Variants in EPB41L4B observed in about 807,000 individuals in gnomAD.
The protein encoded by EPB41L4B is band 4.1-like protein 4B.
In EPB41L4B, 30 loss-of-function variants were observed where a neutral mutation model predicts 112.5. The observed-to-expected ratio is 0.27, with a 90% CI of 0.20 to 0.36. EPB41L4B has a LOEUF of 0.36. Among genes scored for constraint, EPB41L4B ranks in the 10% least tolerant of loss-of-function variants. EPB41L4B has a pLI of 1.00. For synonymous variants in EPB41L4B, 408 were observed against 439.7 expected, an observed-to-expected ratio of 0.93 and a Z score of 0.90; for missense variants, 1,024 against 1,133.3, an observed-to-expected ratio of 0.90 and a Z score of 1.38.
chr9:109,252,014 CAAA>C (rs2119010628), intron 12 of EPB41L4B, among the ~76,000 whole-genome samples: 1 of 152,154 alleles, frequency 6.6e-6, no homozygotes, highest in African/African-American at 2.4e-5. Context: ...AAAAGCTTGA[CAAA>C]GAAGATGCTA....
At chr9:109,253,332 C>T in intron 12 of EPB41L4B, 109 bp downstream of exon 12, 2 of 746,984 alleles carry the variant, frequency 2.7e-6, no homozygotes, top group South Asian at 3.5e-5. Flanking sequence ...AAGCTCCAGA[C>T]TGGAGAACTG....
At chr9:109,223,619 G>A (rs184542440) in intron 15 of EPB41L4B, among the ~76,000 whole-genome samples, 2 of 152,194 alleles carry the variant, frequency 1.3e-5, no homozygotes, top group African/African-American at 2.4e-5. Flanking sequence ...CTTTTCAGGG[G>A]AGCCCTGGGG....
At chr9:109,309,789 G>A (rs1402032681) in intron 1 of EPB41L4B, among the ~76,000 whole-genome samples, 1 of 146,664 alleles carries the variant, frequency 6.8e-6, no homozygotes, top group Non-Finnish European at 1.5e-5. Flanking sequence ...GAGAGAGAGA[G>A]ATGGATAGGT....
chr9:109,205,594 C>T (rs1375727948), intron 18 of EPB41L4B, among the ~76,000 whole-genome samples: 1 of 152,144 alleles, frequency 6.6e-6, no homozygotes, highest in Non-Finnish European at 1.5e-5. Context: ...CTTGACATTC[C>T]TGAGTTTGTG....
rs1564256671 is a variant in EPB41L4B, at chr9:109,194,365, T to C, written c.2078A>G (p.Glu693Gly). The C allele has an allele frequency of 6.2e-7, 1 of 1,614,154 alleles. No homozygotes were observed. The highest frequency in any genetic ancestry group is 8.5e-7 in the Non-Finnish European group (1 of 1,180,028). ...TGTAGATGTGGTCACTCCCACTGCC[T>C]CGGCCAGGTCTGGAGGGAGGTCGTC... ...DEDDLPPDLA[E>G]AVGVTTSTTT... Residue 693 changes from glutamate to glycine, a missense_variant, in exon 21 of 26, where the codon GAG (glutamate) becomes GGG (glycine). Transcript: ENST00000374566.
intron 13 of EPB41L4B, 26 bp from the exon 14 acceptor site, chr9:109,247,815 A>G: frequency 6.9e-7 from 1 of 1,447,310 alleles, no homozygotes; most frequent in Non-Finnish European, 9.2e-7. Context: ...AACAAAAAAC[A>G]GAAAAAAAAA....
intron 16 of EPB41L4B, among the ~76,000 whole-genome samples, chr9:109,214,843 T>G (rs773647391): frequency 2.0e-5 from 3 of 152,312 alleles, no homozygotes; most frequent in Middle Eastern, 3.4e-3. Context: ...AAAGGTCTTA[T>G]GGCATGTGGT....
At position 109,255,651 on chromosome 9, in the gene EPB41L4B, G is replaced by A; in HGVS notation, c.1029C>T (p.Phe343=). 2 of 1,613,410 alleles carry A rather than the reference G, an allele frequency of 1.2e-6. No homozygotes were observed. The highest frequency in any genetic ancestry group is 1.7e-6 in the Non-Finnish European group (2 of 1,179,410). Reference sequence around the variant, plus strand: ...TGCAGGTCCTGGCACTGTCTAACCGGAACACAAACGTGTGCTCTTGCTCAC... The same window carrying A: ...TGCAGGTCCTGGCACTGTCTAACCGAAACACAAACGTGTGCTCTTGCTCAC... ...QGREQEHTFV[F]RLDSARTCKH... Residue 343 remains phenylalanine (F), a synonymous_variant, in exon 11 of 26, where the codon TTC becomes TTT. Transcript: ENST00000374566.
intron 7 of EPB41L4B, among the ~76,000 whole-genome samples, chr9:109,257,134 C>T (rs1314135995): frequency 3.9e-5 from 6 of 152,240 alleles, no homozygotes; most frequent in Middle Eastern, 3.4e-3. Flanking sequence ...CAGACATTTA[C>T]GTTGTTTCAG....
intron 20 of EPB41L4B, among the ~76,000 whole-genome samples, chr9:109,197,854 G>C (rs951015351): frequency 6.6e-6 from 1 of 150,950 alleles, no homozygotes; most frequent in Non-Finnish European, 1.5e-5. Flanking sequence ...GAGTGAGTTT[G>C]GTGAGTTAGT....
chr9:109,228,109 T>A (rs997392159), intron 15 of EPB41L4B, among the ~76,000 whole-genome samples: 1 of 152,236 alleles, frequency 6.6e-6, no homozygotes, highest in Non-Finnish European at 1.5e-5. Flanking sequence ...TCAGCAGTTA[T>A]CCTTGCCTTA....
At chr9:109,210,234 T>A (rs528269703) in intron 17 of EPB41L4B, among the ~76,000 whole-genome samples, 1 of 152,206 alleles carries the variant, frequency 6.6e-6, no homozygotes, top group Non-Finnish European at 1.5e-5. Flanking sequence ...TTCAGGCAAA[T>A]AAGTAACATT....
intron 1 of EPB41L4B, among the ~76,000 whole-genome samples, chr9:109,290,728 T>TATATATATATATATATATAC (rs1200899575): frequency 4.4e-5 from 6 of 137,114 alleles, no homozygotes; most frequent in African/African-American, 1.5e-4. Context: ...TATATATATA[T>TATATATATATATATATATAC]ACACACACAC....
intron 23 of EPB41L4B, among the ~76,000 whole-genome samples, chr9:109,183,586 G>C (rs1006665470): frequency 6.6e-6 from 1 of 152,192 alleles, no homozygotes; most frequent in Non-Finnish European, 1.5e-5. Context: ...AAATGGAAGG[G>C]CTTATTTTTT....
chr9:109,263,794 T>C (rs1835303399), intron 5 of EPB41L4B, among the ~76,000 whole-genome samples: 3 of 152,136 alleles, frequency 2.0e-5, no homozygotes, highest in Admixed American at 1.3e-4. Flanking sequence ...CCCCGACCCA[T>C]CTCCCATTAT....
intron 14 of EPB41L4B, among the ~76,000 whole-genome samples, chr9:109,245,500 G>C (rs752708394): frequency 1.3e-5 from 2 of 152,172 alleles, no homozygotes; most frequent in Non-Finnish European, 2.9e-5. Context: ...AGGACAATGG[G>C]AAATGACTGT....
At chr9:109,318,137 CA>C (rs1441789679) in intron 1 of EPB41L4B, among the ~76,000 whole-genome samples, 2 of 148,636 alleles carry the variant, frequency 1.3e-5, no homozygotes, top group Non-Finnish European at 3.0e-5. Context: ...TGCCTGTGGA[CA>C]GGGGGCATAT....
intron 4 of EPB41L4B, among the ~76,000 whole-genome samples, chr9:109,265,846 G>A (rs1057490446): frequency 3.9e-5 from 6 of 152,216 alleles, no homozygotes; most frequent in African/African-American, 1.4e-4. Flanking sequence ...AGGAATCTGA[G>A]CTGTTCAAAA....
intron 1 of EPB41L4B, among the ~76,000 whole-genome samples, chr9:109,317,088 G>A (rs1837661914): frequency 6.6e-6 from 1 of 152,276 alleles, no homozygotes; most frequent in South Asian, 2.1e-4. Flanking sequence ...CTGGGTGACA[G>A]ATGAGACCCC....
Sources: allele counts gnomAD v4.1 joint callset (sites outside exome capture counted in the v4.1 genomes callset), GRCh38; gene constraint gnomAD v4.1.1; transcripts MANE v1.5; gene names NCBI Gene and HGNC (gene_info 2026-07-23, HGNC 2026-07-21).